ZIK1: variants seen among roughly 807,000 people sequenced by gnomAD.
The protein encoded by ZIK1 is zinc finger protein interacting with ribonucleoprotein K.
ZIK1 carries 12 observed loss-of-function variants against 10.7 expected under a neutral mutation model. That is an observed-to-expected ratio of 1.12 (90% CI 0.72 to 1.81). The LOEUF is 1.81. ZIK1 is among the 40% of genes most tolerant of loss of function. The probability of loss-of-function intolerance (pLI) is 0.00; values close to 1 mark genes in which losing one functional copy is unlikely to be tolerated. For synonymous variants in ZIK1, 190 were observed against 205.0 expected, an observed-to-expected ratio of 0.93 and a Z score of 0.63; for missense variants, 497 against 585.7, an observed-to-expected ratio of 0.85 and a Z score of 1.56.
At position 57,590,596 on chromosome 19, in the gene ZIK1, C is replaced by T. The variant is rs755205751; in HGVS notation, c.785C>T (p.Thr262Ile). 1.7e-5 allele frequency: 27 copies of T among 1,614,126 alleles called. No individual in the cohort carries two copies. Among genetic ancestry groups the T allele is most frequent in the Non-Finnish European group, 2.3e-5 (27 of 1,180,058 alleles). Residue 262 changes from threonine to isoleucine, a missense_variant, in exon 4 of 4, where the codon ACT (threonine) becomes ATT (isoleucine). Physicochemically the swap from Thr to Ile is moderately conservative, Grantham distance 89. Coordinates refer to ENST00000597850, the MANE Select transcript of ZIK1 (RefSeq NM_001010879.4). ...CTTGTTCAGCACCAGAGAGTCCATA[C>T]TGGAGAAAGGCCTTGGGAGTGCAAT... is the stretch of plus-strand genomic sequence containing the variant. Reference protein sequence around the residue: ...YSLVQHQRVHTGERPWECNEC... With the variant: ...YSLVQHQRVHIGERPWECNEC...
In ZIK1 at chr19:57,590,838, A is replaced by G; in HGVS notation, c.1027A>G (p.Arg343Gly). ...SQKATLVKHQ[R>G]VHTGERPYKC... is the part of the protein sequence containing the mutation. ...AAAAGCCACCCTTGTTAAACACCAA[A>G]GAGTTCACACTGGAGAAAGGCCTTA... The change falls in exon 4 of 4, where the codon AGA becomes GGA. Residue 343 changes from arginine (R) to glycine (G), a missense_variant. Transcript: ENST00000597850. 1 of 1,613,884 alleles carries G rather than the reference A, an allele frequency of 6.2e-7. No homozygotes were observed. Among genetic ancestry groups the G allele is most frequent in the Non-Finnish European group, 8.5e-7 (1 of 1,179,948 alleles).
chr19:57,585,912 T>C (rs891962864), intron 2 of ZIK1, among the ~76,000 whole-genome samples: 8 of 150,364 alleles, frequency 5.3e-5, no homozygotes, highest in African/African-American at 2.0e-4. Context: ...TTTGTATCTT[T>C]AGTAGAGACA....
rs914438037 is a variant in ZIK1, at chr19:57,591,354, T to C, written c.*79T>C. 25 of 1,413,502 alleles carry C rather than the reference T, an allele frequency of 1.8e-5. No homozygotes were observed. The Admixed American group carries it at 5.3e-4, about 30-fold the overall frequency. 87.6% of individuals were successfully genotyped at this position (1,413,502 alleles called of 1,614,324 possible). On this transcript the variant is annotated 3_prime_UTR_variant, in exon 4 of 4. Transcript: ENST00000597850. ...CATTTAGCTCCTGAAAGTCCACACTTAAGTAGAGCCTTAGACCTACAGGGA... is the reference window on the plus strand; with the variant it reads ...CATTTAGCTCCTGAAAGTCCACACTCAAGTAGAGCCTTAGACCTACAGGGA...
At position 57,588,653 on chromosome 19, in the gene ZIK1, G is replaced by A. The variant is rs1363599338; in HGVS notation, c.187G>A (p.Val63Ile). The A allele has an allele frequency of 1.3e-6, 2 of 1,568,530 alleles. No homozygotes were observed. Among genetic ancestry groups the A allele is most frequent in the Admixed American group, 1.8e-5 (1 of 56,066 alleles). Residue 63 changes from valine to isoleucine, a missense_variant, in exon 3 of 4, where the codon GTA (valine) becomes ATA (isoleucine). By Grantham distance (29) the Val-to-Ile change is conservative (BLOSUM62 3). Coordinates refer to ENST00000597850, the MANE Select transcript of ZIK1 (RefSeq NM_001010879.4). ...LEVMLENFAL[V>I]ASLGCGHGTE... Reference sequence around the variant, plus strand: ...AGTGATGCTGGAGAACTTTGCCCTTGTAGCCTCACTGGGTAAGGCCCTAAT... The same window carrying A: ...AGTGATGCTGGAGAACTTTGCCCTTATAGCCTCACTGGGTAAGGCCCTAAT...
In ZIK1 at chr19:57,591,492, C is replaced by A. The variant is rs530723528; in HGVS notation, c.*217C>A. 4 of 569,588 alleles carry A rather than the reference C, an allele frequency of 7.0e-6. No individual in the cohort carries two copies. Among genetic ancestry groups the A allele is most frequent in the Non-Finnish European group, 9.3e-6 (3 of 323,524 alleles). The allele number at this position is 569,588 out of a possible 1,614,324, so 35.3% of individuals were successfully genotyped here. On this transcript the variant is annotated 3_prime_UTR_variant, in exon 4 of 4. Coordinates refer to ENST00000597850, the MANE Select transcript of ZIK1 (RefSeq NM_001010879.4). Reference sequence around the variant, plus strand: ...TCTGGTAGAAACCATCTACCCTCTACCACCTTGCACAGTGGGCACTGGTCA... The same window carrying A: ...TCTGGTAGAAACCATCTACCCTCTAACACCTTGCACAGTGGGCACTGGTCA...
At position 57,590,111 on chromosome 19, in the gene ZIK1, A is replaced by G. The variant is rs376159252; in HGVS notation, c.300A>G (p.Gln100=). The change falls in exon 4 of 4, where the codon CAA becomes CAG. Residue 100 remains glutamine, a synonymous_variant. Coordinates refer to ENST00000597850, the MANE Select transcript of ZIK1 (RefSeq NM_001010879.4). ...SKAGSSTQKT[Q]SCEMCVPVLK... is the part of the protein sequence containing the mutation. The stretch of plus-strand genomic sequence containing the variant: ...CAGGTTCATCCACACAGAAGACTCA[A>G]TCCTGTGAGATGTGTGTCCCAGTCC... 7 of 1,614,072 alleles carry G rather than the reference A, an allele frequency of 4.3e-6. No homozygotes were observed. Among genetic ancestry groups the G allele is most frequent in the African/African-American group, 1.3e-5 (1 of 74,912 alleles).
In ZIK1 at chr19:57,590,682, G is replaced by A. The variant is rs143972877; in HGVS notation, c.871G>A (p.Gly291Arg). The A allele has an allele frequency of 1.6e-4, 256 of 1,614,150 alleles. No individual in the cohort carries two copies. Among genetic ancestry groups the A allele is most frequent in the Middle Eastern group, 3.3e-4 (2 of 6,062 alleles). Reference protein sequence around the residue: ...HLNDHRRIHTGERPYECSECG... With the variant: ...HLNDHRRIHTRERPYECSECG... ...GAATGATCATCGGAGAATCCACACC[G>A]GAGAAAGGCCTTATGAGTGCAGCGA... Residue 291 changes from glycine to arginine, a missense_variant, in exon 4 of 4, where the codon GGA becomes AGA. Coordinates refer to ENST00000597850, the MANE Select transcript of ZIK1 (RefSeq NM_001010879.4).
In ZIK1 at chr19:57,590,523, CT is replaced by C; in HGVS notation, c.715del (p.Tyr239MetfsTer44). ...YHPRVYTGKK[L>X]YECSKCGKAF... ...TCCAAGAGTCTACACTGGAAAAAAG[CT>C]TTATGAGTGTAGCAAATGTGGGAAA... On this transcript the variant is annotated frameshift_variant, in exon 4 of 4. Transcript: ENST00000597850. LOFTEE classifies it low-confidence loss of function (END_TRUNC). 16 of 1,614,146 alleles carry C rather than the reference CT, an allele frequency of 9.9e-6. No homozygotes were observed. Among genetic ancestry groups the C allele is most frequent in the Non-Finnish European group, 1.4e-5 (16 of 1,180,030 alleles).
chr19:57,589,646 T>G, intron 3 of ZIK1: 16 of 985,448 alleles, frequency 1.6e-5, no homozygotes, highest in Non-Finnish European at 1.4e-5. Context: ...TTGGGCACAG[T>G]CAACCTTCTG....
rs1303541691 is a variant in ZIK1 at position 57,592,751 on chromosome 19, CT to C, written c.*1479del. On this transcript the variant is annotated 3_prime_UTR_variant, in exon 4 of 4. Coordinates refer to ENST00000597850, the MANE Select transcript of ZIK1 (RefSeq NM_001010879.4). ...TTTCTGAAAGTTGGGTGATCAGATA[CT>C]TTATTGTGAAACATGTTTTACAAAC... 6.6e-6 allele frequency: 1 copy of C among 152,144 alleles called. No individual in the cohort carries two copies. The highest frequency in any genetic ancestry group is 1.5e-5 in the Non-Finnish European group (1 of 68,038). 9.4% of individuals were successfully genotyped at this position (152,144 alleles called of 1,614,324 possible).
chr19:57,584,838 T>C, intron 1 of ZIK1, 114 bp from the exon 2 acceptor site: 6 of 1,282,284 alleles, frequency 4.7e-6, no homozygotes, highest in Non-Finnish European at 6.5e-6. Context: ...GGCTCAGAAA[T>C]AATGCAGGCA....
intron 3 of ZIK1, chr19:57,589,619 A>T (rs1341213180): frequency 1.0e-6 from 1 of 985,278 alleles, no homozygotes; most frequent in Non-Finnish European, 1.2e-6. Context: ...CTCAGTTTCA[A>T]TTGTATTTTC....
At chr19:57,589,702 ATG>A in intron 3 of ZIK1, 1 of 985,350 alleles carries the variant, frequency 1.0e-6, no homozygotes, top group Non-Finnish European at 1.2e-6. Flanking sequence ...CCTGAAGACT[ATG>A]TGGTGAGTTT....
rs148536841 is a variant in ZIK1, at chr19:57,591,273, T to G, written c.1462T>G (p.Ter488GluextTer20). 6.2e-7 allele frequency: 1 copy of G among 1,601,768 alleles called. No homozygotes were observed. Among genetic ancestry groups the G allele is most frequent in the Admixed American group, 1.7e-5 (1 of 58,162 alleles). Residue 488 changes from the stop codon to glutamate (E), a stop_lost, in exon 4 of 4, where the codon TAG becomes GAG. Transcript: ENST00000597850. ...LIHHQKCHNT* is the reference protein window; with the variant it reads ...LIHHQKCHNTE ...ACATCACCAAAAATGTCATAACACA[T>G]AGAGGCCTCATGAATGCAGCAAATG...
Position 57,590,273 on chromosome 19 carries a change from T to C in ZIK1, c.462T>C (p.Tyr154=), listed in dbSNP as rs778172883. 9 of 1,614,230 alleles carry C rather than the reference T, an allele frequency of 5.6e-6. No individual in the cohort carries two copies. The Admixed American group carries it at 1.3e-4, about 24-fold the overall frequency. ...SLKRDMDRAS[Y]VKCCLFCMSL... ...AGAGGGACATGGACAGAGCCTCATATGTGAAGTGCTGCCTATTCTGTATGT... is the reference window on the plus strand; with the variant it reads ...AGAGGGACATGGACAGAGCCTCATACGTGAAGTGCTGCCTATTCTGTATGT... Residue 154 remains tyrosine (Y), a synonymous_variant, in exon 4 of 4, where the codon TAT becomes TAC. Transcript: ENST00000597850.
Position 57,590,636 on chromosome 19 carries a change from C to A in ZIK1, c.825C>A (p.Phe275Leu), listed in dbSNP as rs999853546. Residue 275 changes from phenylalanine to leucine, a missense_variant, in exon 4 of 4, where the codon TTC becomes TTA. By Grantham distance (22) the Phe-to-Leu change is conservative. Coordinates refer to ENST00000597850, the MANE Select transcript of ZIK1 (RefSeq NM_001010879.4). ...RPWECNECGK[F>L]FSQTSHLNDH... Reference sequence around the variant, plus strand: ...GGGAGTGCAATGAATGTGGAAAATTCTTTAGCCAAACCTCCCACCTGAATG... The same window carrying A: ...GGGAGTGCAATGAATGTGGAAAATTATTTAGCCAAACCTCCCACCTGAATG... 3.1e-6 allele frequency: 5 copies of A among 1,614,058 alleles called. No homozygotes were observed. Among genetic ancestry groups the A allele is most frequent in the Middle Eastern group, 1.6e-4 (1 of 6,084 alleles).
At chr19:57,585,144 C>T (rs1475167031) in intron 2 of ZIK1, among the ~76,000 whole-genome samples, 154 bp downstream of exon 2, 2 of 152,186 alleles carry the variant, frequency 1.3e-5, no homozygotes, top group African/African-American at 4.8e-5. Flanking sequence ...TATTTGTAGA[C>T]GTTCTTATTG....
chr19:57,588,477 T>A (rs1263147492), intron 2 of ZIK1, 62 bp from the exon 3 acceptor site: 13 of 1,377,122 alleles, frequency 9.4e-6, no homozygotes, highest in Non-Finnish European at 1.1e-5. Flanking sequence ...TGGGGATGAT[T>A]GCGTGGGTGG....
At chr19:57,587,192 A>G (rs1979242674) in intron 2 of ZIK1, among the ~76,000 whole-genome samples, 1 of 152,190 alleles carries the variant, frequency 6.6e-6, no homozygotes, top group African/African-American at 2.4e-5. Flanking sequence ...CTCCCATGAC[A>G]TGGGAATTGT....
Sources: gnomAD v4.1 joint callset for allele counts (sites outside exome capture counted in the v4.1 genomes callset) on GRCh38, gnomAD v4.1.1 for gene constraint, MANE v1.5 for transcripts, NCBI Gene and HGNC (gene_info 2026-07-23, HGNC 2026-07-21) for gene names.